LY86: variants seen among roughly 807,000 people sequenced by gnomAD.
The protein encoded by LY86 is MD-1, RP105-associated.
A neutral mutation model predicts 17.3 loss-of-function variants in LY86; 20 were observed. The ratio of observed to expected loss-of-function variants is 1.15; its 90% CI spans 0.81 to 1.68. The LOEUF is 1.68. Among genes scored for constraint, LY86 ranks in the 40% most tolerant of loss-of-function variants. The probability of loss-of-function intolerance (pLI) is 0.00; values close to 1 mark genes in which losing one functional copy is unlikely to be tolerated. For missense variants in LY86, 200 were observed against 191.9 expected (o/e 1.04, Z -0.25); for synonymous variants, 74 against 70.6 (o/e 1.05, Z -0.24).
At chr6:6,591,841 G>A (rs1760539610) in intron 1 of LY86, among the ~76,000 whole-genome samples, 1 of 152,174 alleles carries the variant, frequency 6.6e-6, no homozygotes, top group Admixed American at 6.5e-5. Context: ...AGGGGTGAGA[G>A]GAGAAGTTTG....
rs1004781221 is a variant in LY86 at position 6,599,130 on chromosome 6, A to G, written c.136+10260A>G. Among the ~76,000 whole-genome samples, 115 of 152,322 alleles carry G rather than the reference A, an allele frequency of 7.5e-4. No homozygotes were observed. In the Middle Eastern group the frequency reaches 0.01, roughly 14 times the overall value. On this transcript the variant is annotated intron_variant, in intron 1 of 4. Transcript: ENST00000230568. ...TCTCTGATCTATCCATATGGATGGA[A>G]ATACTTGGAATCTCCAAATAACTAA...
At chr6:6,640,219 T>C (rs1292284305) in intron 3 of LY86, among the ~76,000 whole-genome samples, 1 of 152,110 alleles carries the variant, frequency 6.6e-6, no homozygotes, top group Non-Finnish European at 1.5e-5. Flanking sequence ...GAGTCCTTCA[T>C]CATGTTTGTC....
chr6:6,591,577 T>TA lies in LY86; in HGVS notation c.136+2708dup, dbSNP rs1198770190. The TA allele has an allele frequency of 2.6e-5, 4 of 153,634 alleles. No homozygotes were observed. In the East Asian group the frequency reaches 7.7e-4, roughly 30 times the overall value. 9.5% of individuals were successfully genotyped at this position (153,634 alleles called of 1,614,324 possible). A position where few individuals can be genotyped will look rare whatever the true frequency, so the allele number is the denominator to read the frequency against. ...TGTTGGTGGAGGCCACCAGGCTAAG[T>TA]ACTTTACATGCATCATTCTTATGTT... is the stretch of plus-strand genomic sequence containing the variant. On this transcript the variant is annotated intron_variant, in intron 1 of 4. Coordinates refer to ENST00000230568, the MANE Select transcript of LY86 (RefSeq NM_004271.4).
chr6:6,635,945 T>A (rs1482326715), intron 3 of LY86, among the ~76,000 whole-genome samples: 1 of 152,240 alleles, frequency 6.6e-6, no homozygotes, highest in Non-Finnish European at 1.5e-5. Flanking sequence ...GTCCCCTGAC[T>A]CATCAGACTG....
At chr6:6,639,288 A>G (rs1762005175) in intron 3 of LY86, among the ~76,000 whole-genome samples, 1 of 152,178 alleles carries the variant, frequency 6.6e-6, no homozygotes, top group Non-Finnish European at 1.5e-5. Context: ...CATCCGTGTC[A>G]TGGTTCTGAA....
intron 3 of LY86, among the ~76,000 whole-genome samples, chr6:6,640,107 C>T (rs1474422205): frequency 2.0e-5 from 3 of 152,184 alleles, no homozygotes; most frequent in Non-Finnish European, 4.4e-5. Flanking sequence ...AAAACCACCA[C>T]CTGCATGCCC....
At chr6:6,624,027 AAAG>A (rs1761733871) in intron 1 of LY86, among the ~76,000 whole-genome samples, 1 of 152,214 alleles carries the variant, frequency 6.6e-6, no homozygotes, top group South Asian at 2.1e-4. Flanking sequence ...AAGCCTTCAC[AAAG>A]AAGATGGGAA....
rs59560744 is a variant in LY86 at position 6,600,587 on chromosome 6, CAAAAAAAAAAAAAAAAAAAAA to C, written c.136+11738_136+11758del. On this transcript the variant is annotated intron_variant, in intron 1 of 4. Transcript: ENST00000230568. ...CCTGAGAGACAGAGTGAGACTCCATCAAAAAAAAAAAAAAAAAAAAAAAAAAAAAAAAAAAAAAAAAGAAAA... is the reference window on the plus strand; with the variant it reads ...CCTGAGAGACAGAGTGAGACTCCATCAAAAAAAAAAAAAAAAAAAAGAAAA... 4.6e-3 allele frequency among the ~76,000 whole-genome samples: 383 copies of C among 82,436 alleles called. 4 individuals are homozygous for C. In the East Asian group the frequency reaches 0.072, roughly 16 times the overall value. The allele number at this position is 82,436 out of a possible 152,430, so 54.1% of individuals were successfully genotyped here. A position where few individuals can be genotyped will look rare whatever the true frequency, so the allele number is the denominator to read the frequency against.
intron 1 of LY86, among the ~76,000 whole-genome samples, chr6:6,600,780 G>A (rs1158744875): frequency 6.6e-6 from 1 of 151,370 alleles, no homozygotes; most frequent in East Asian, 1.9e-4. Context: ...TCTCTCCACT[G>A]GGATCATTTG....
intron 1 of LY86, among the ~76,000 whole-genome samples, chr6:6,604,187 C>T: frequency 6.6e-6 from 1 of 152,040 alleles, no homozygotes; most frequent in East Asian, 1.9e-4. Flanking sequence ...AAATTTTTAA[C>T]CATAAGCTCA....
chr6:6,654,307 G>C (rs1029134806), intron 4 of LY86, among the ~76,000 whole-genome samples: 4 of 152,186 alleles, frequency 2.6e-5, no homozygotes, highest in Non-Finnish European at 5.9e-5. Flanking sequence ...TCCTGCATGA[G>C]TTTTCTCCAT....
At chr6:6,619,574 C>T (rs1057257510) in intron 1 of LY86, among the ~76,000 whole-genome samples, 10 of 152,232 alleles carry the variant, frequency 6.6e-5, no homozygotes, top group African/African-American at 2.4e-4. Flanking sequence ...GGTAAGGTCT[C>T]CTGGGCCCTC....
intron 4 of LY86, among the ~76,000 whole-genome samples, chr6:6,653,451 G>A (rs1294028129): frequency 2.6e-5 from 4 of 152,134 alleles, no homozygotes; most frequent in East Asian, 1.9e-4. Flanking sequence ...CTCCAGATTC[G>A]TGTCTACAAA....
intron 1 of LY86, among the ~76,000 whole-genome samples, chr6:6,601,461 G>A (rs187249248): frequency 5.0e-4 from 76 of 152,300 alleles, no homozygotes; most frequent in Middle Eastern, 3.4e-3. Context: ...GGTGGCTCAC[G>A]CCTGTAATCC....
At chr6:6,645,196 A>G (rs958856933) in intron 3 of LY86, among the ~76,000 whole-genome samples, 2 of 152,234 alleles carry the variant, frequency 1.3e-5, no homozygotes, top group African/African-American at 2.4e-5. Context: ...TAGAAGTTAC[A>G]TACACTGGCT....
chr6:6,645,155 G>T (rs1012388353), intron 3 of LY86, among the ~76,000 whole-genome samples: 1 of 151,956 alleles, frequency 6.6e-6, no homozygotes, highest in Non-Finnish European at 1.5e-5. Flanking sequence ...TTTTTAAAAC[G>T]AAAGTTTAAA....
At chr6:6,641,099 C>T (rs1762033289) in intron 3 of LY86, among the ~76,000 whole-genome samples, 1 of 152,204 alleles carries the variant, frequency 6.6e-6, no homozygotes, top group Admixed American at 6.5e-5. Context: ...ATTCCCAGAA[C>T]ACGCTGACCC....
At chr6:6,650,936 G>GT (rs1187347157) in intron 4 of LY86, among the ~76,000 whole-genome samples, 1 of 152,068 alleles carries the variant, frequency 6.6e-6, no homozygotes, top group Admixed American at 6.6e-5. Context: ...ATGTGATCAT[G>GT]TTTTTTAGCT....
intron 1 of LY86, among the ~76,000 whole-genome samples, chr6:6,609,965 T>C (rs575162266): frequency 1.3e-5 from 2 of 152,324 alleles, no homozygotes; most frequent in South Asian, 4.1e-4. Context: ...TGCTGGCCTC[T>C]ATTTTTGTAG....
Sources: allele counts gnomAD v4.1 joint callset (sites outside exome capture counted in the v4.1 genomes callset), GRCh38; gene constraint gnomAD v4.1.1; transcripts MANE v1.5; gene names NCBI Gene and HGNC (gene_info 2026-07-23, HGNC 2026-07-21).